The following CTNND2 variants were observed in gnomAD, a reference collection of about 807,000 sequenced individuals.
CTNND2 encodes catenin delta 2, also known as catenin delta-2.
Under a neutral mutation model 144.4 loss-of-function variants are expected in CTNND2, and 22 were observed. The ratio of observed to expected loss-of-function variants is 0.15; its 90% CI spans 0.11 to 0.22. The LOEUF (loss-of-function observed/expected upper bound fraction) is 0.22, where lower values mean the gene tolerates loss of function less well. Ranked by LOEUF, CTNND2 falls within the 10% of genes least tolerant of loss-of-function variation. The pLI, the probability that CTNND2 is intolerant of heterozygous loss-of-function variation, is 1.00. For synonymous variants in CTNND2, 751 were observed against 695.6 expected, an observed-to-expected ratio of 1.08 and a Z score of -1.25; for missense variants, 1,353 against 1,618.8, an observed-to-expected ratio of 0.84 and a Z score of 2.82.
intron 16 of CTNND2, among the ~76,000 whole-genome samples, chr5:11,077,942 G>C (rs1422659391): frequency 6.6e-6 from 1 of 150,540 alleles, no homozygotes; most frequent in East Asian, 2.2e-4. Context: ...GTCATTTTCT[G>C]GGGGAATACT....
chr5:11,203,486 AGGCTGGAGTGCAGT>A (rs1737713804), intron 10 of CTNND2, among the ~76,000 whole-genome samples: 1 of 152,138 alleles, frequency 6.6e-6, no homozygotes, highest in African/African-American at 2.4e-5. Context: ...TCTGTCACCC[AGGCTGGAGTGCAGT>A]GGCGCGATCT....
At chr5:11,122,808 C>T (rs529619046) in intron 12 of CTNND2, among the ~76,000 whole-genome samples, 38 of 151,892 alleles carry the variant, frequency 2.5e-4, no homozygotes, top group Non-Finnish European at 4.7e-4. Context: ...GGCACCGTCC[C>T]GTCGAAAAAT....
rs1777301067 is a variant in CTNND2, at chr5:11,568,504, G to A, written c.175-3448C>T. Among the ~76,000 whole-genome samples the A allele has an allele frequency of 3.3e-5, 5 of 152,196 alleles. No homozygotes were observed. The South Asian group carries it at 1.0e-3, about 31-fold the overall frequency. On this transcript the variant is annotated intron_variant, in intron 2 of 21. Transcript: ENST00000304623. Reference sequence around the variant, plus strand: ...CTGAACTGGAATGGTATTCTCTTTGGAGTTGATAACTGAGCTTGTGAATGG... The same window carrying A: ...CTGAACTGGAATGGTATTCTCTTTGAAGTTGATAACTGAGCTTGTGAATGG...
intron 9 of CTNND2, among the ~76,000 whole-genome samples, chr5:11,326,511 C>A (rs1253193057): frequency 6.6e-6 from 1 of 152,150 alleles, no homozygotes; most frequent in Non-Finnish European, 1.5e-5. Context: ...CTGAAAGCCA[C>A]TGATCTACAA....
At position 11,420,792 on chromosome 5, in the gene CTNND2, A is replaced by G. The variant is rs534826205; in HGVS notation, c.288-8723T>C. Among the ~76,000 whole-genome samples the G allele has an allele frequency of 1.8e-4, 27 of 152,264 alleles. No homozygotes were observed. The South Asian group carries it at 5.2e-3, about 29-fold the overall frequency. ...ATGCCGTTTTTCTTGCTTAGATGAT[A>G]TATCTTCTTTTTGCTTTAACTATTG... On this transcript the variant is annotated intron_variant, in intron 3 of 21. Transcript: ENST00000304623.
Position 11,830,708 on chromosome 5 carries a change from A to G in CTNND2, c.37+73109T>C, listed in dbSNP as rs558502000. Among the ~76,000 whole-genome samples, 6 of 152,288 alleles carry G rather than the reference A, an allele frequency of 3.9e-5. 1 individual carries two copies. Among genetic ancestry groups the G allele is most frequent in the African/African-American group, 1.4e-4 (6 of 41,580 alleles). The stretch of plus-strand genomic sequence containing the variant: ...TCCCAGAGGAAGGCATTGAGAGGCG[A>G]GAGGAAGCAGACCCTGGGCTGAAAA... On this transcript the variant is annotated intron_variant, in intron 1 of 21. Coordinates refer to ENST00000304623, the MANE Select transcript of CTNND2 (RefSeq NM_001332.4).
chr5:11,055,792 A>G (rs926110581), intron 16 of CTNND2, among the ~76,000 whole-genome samples: 3 of 152,030 alleles, frequency 2.0e-5, no homozygotes, highest in Admixed American at 2.0e-4. Flanking sequence ...GAGGAGCAAG[A>G]GACAGAGAGA....
chr5:11,323,231 TGG>T (rs374479685), intron 9 of CTNND2, among the ~76,000 whole-genome samples: 12 of 121,808 alleles, frequency 9.9e-5, no homozygotes, highest in East Asian at 5.4e-4. Flanking sequence ...ATTTAGAGAT[TGG>T]GGGGGGGGGT....
At chr5:11,092,817 T>C (rs1364021301) in intron 15 of CTNND2, among the ~76,000 whole-genome samples, 1 of 152,268 alleles carries the variant, frequency 6.6e-6, no homozygotes, top group Non-Finnish European at 1.5e-5. Flanking sequence ...CAAGTCACTT[T>C]GTCTTAGACA....
chr5:11,328,598 G>T (rs144088402), intron 9 of CTNND2, among the ~76,000 whole-genome samples: 1 of 152,048 alleles, frequency 6.6e-6, no homozygotes, highest in East Asian at 1.9e-4. Context: ...GAGCCATTGC[G>T]TCCAATCCAA....
chr5:11,266,053 G>GTAT (rs1745411444), intron 9 of CTNND2, among the ~76,000 whole-genome samples: 2 of 151,994 alleles, frequency 1.3e-5, no homozygotes. Context: ...ACTGGTTCAG[G>GTAT]TAGTTTTGAT....
chr5:11,512,518 G>A lies in CTNND2; in HGVS notation c.287+52426C>T, dbSNP rs16901699. On this transcript the variant is annotated intron_variant, in intron 3 of 21. Coordinates refer to ENST00000304623, the MANE Select transcript of CTNND2 (RefSeq NM_001332.4). ...CAACTGTAAAGGGCAACCTGCCCTG[G>A]TTATCATGTATTTGTGCCAATATTA... 6.5e-3 allele frequency among the ~76,000 whole-genome samples: 991 copies of A among 152,334 alleles called. 8 individuals are homozygous for A. Among genetic ancestry groups the A allele is most frequent in the African/African-American group, 0.022 (933 of 41,576 alleles).
intron 11 of CTNND2, among the ~76,000 whole-genome samples, chr5:11,188,926 A>T (rs777206833): frequency 6.6e-6 from 1 of 151,998 alleles, no homozygotes; most frequent in African/African-American, 2.4e-5. Flanking sequence ...TCCCTTTCTA[A>T]TCTCCTTAGC....
At chr5:11,672,977 T>C (rs991454688) in intron 2 of CTNND2, among the ~76,000 whole-genome samples, 1 of 152,082 alleles carries the variant, frequency 6.6e-6, no homozygotes, top group Admixed American at 6.5e-5. Context: ...GGTACCTCAG[T>C]TGGAAATGCA....
At chr5:11,471,332 T>G (rs1767213380) in intron 3 of CTNND2, among the ~76,000 whole-genome samples, 1 of 152,146 alleles carries the variant, frequency 6.6e-6, no homozygotes, top group Non-Finnish European at 1.5e-5. Flanking sequence ...TTAATTTTCT[T>G]GTCATACATA....
intron 3 of CTNND2, among the ~76,000 whole-genome samples, chr5:11,476,859 C>T (rs541936659): frequency 1.3e-5 from 2 of 152,244 alleles, no homozygotes; most frequent in East Asian, 3.9e-4. Flanking sequence ...TTTTCACTTC[C>T]TATTTCCCTC....
Position 11,903,761 on chromosome 5 carries a change from G to C in CTNND2, c.37+56C>G. ...ACCCCCACCAGCGGCAAGAGGAGGA[G>C]GACGGCGCCGGGAGGAGGCTGCGCC... is the stretch of plus-strand genomic sequence containing the variant. On this transcript the variant is annotated intron_variant, in intron 1 of 21. Coordinates refer to ENST00000304623, the MANE Select transcript of CTNND2 (RefSeq NM_001332.4). The surrounding 1 kb of genome is among the most constrained non-coding windows in gnomAD (Gnocchi z 5.4). The C allele has an allele frequency of 1.4e-6, 2 of 1,456,476 alleles. No homozygotes were observed. Among genetic ancestry groups the C allele is most frequent in the South Asian group, 1.3e-5 (1 of 77,422 alleles). The allele number at this position is 1,456,476 out of a possible 1,614,324, so 90.2% of individuals were successfully genotyped here.
intron 2 of CTNND2, among the ~76,000 whole-genome samples, chr5:11,649,774 A>C (rs1311552989): frequency 6.6e-6 from 1 of 152,166 alleles, no homozygotes; most frequent in African/African-American, 2.4e-5. Flanking sequence ...TATATTATTA[A>C]TATAGCTAAG....
intron 3 of CTNND2, among the ~76,000 whole-genome samples, chr5:11,460,894 C>G (rs1419181618): frequency 6.6e-6 from 1 of 152,020 alleles, no homozygotes; most frequent in Non-Finnish European, 1.5e-5. Context: ...ACTAAAAATA[C>G]AAAAATTAGC....
Sources: gnomAD v4.1 joint callset for allele counts (sites outside exome capture counted in the v4.1 genomes callset) on GRCh38, gnomAD v4.1.1 for gene constraint, Gnocchi (gnomAD v3.1) non-coding constraint, MANE v1.5 for transcripts, NCBI Gene and HGNC (gene_info 2026-07-23, HGNC 2026-07-21) for gene names.